Variants in SLC35F4 observed in about 807,000 individuals in gnomAD.
The protein encoded by SLC35F4 is chromosome 14 open reading frame 36.
Under a neutral mutation model 44.2 loss-of-function variants are expected in SLC35F4, and 24 were observed. That is an observed-to-expected ratio of 0.54 (90% CI 0.39 to 0.76). The LOEUF is 0.76. Among genes scored for constraint, SLC35F4 ranks in the 30% least tolerant of loss-of-function variants. The pLI, the probability that SLC35F4 is intolerant of heterozygous loss-of-function variation, is 0.00. For synonymous variants in SLC35F4, 238 were observed against 223.6 expected (o/e 1.06, Z -0.57); for missense variants, 562 against 586.1 (o/e 0.96, Z 0.42).
intron 1 of SLC35F4, among the ~76,000 whole-genome samples, chr14:57,803,034 A>G (rs1017273515): frequency 4.6e-5 from 7 of 151,546 alleles, no homozygotes; most frequent in African/African-American, 1.7e-4. Flanking sequence ...TCCTTGATGA[A>G]CATCGATGCA....
chr14:57,600,228 A>C (rs2070732473), intron 1 of SLC35F4, among the ~76,000 whole-genome samples: 2 of 152,170 alleles, frequency 1.3e-5, no homozygotes, highest in South Asian at 4.1e-4. Flanking sequence ...TTTTCAACTC[A>C]TCTTTTATAA....
chr14:57,777,566 G>A (rs2140723061), intron 1 of SLC35F4, among the ~76,000 whole-genome samples: 1 of 152,110 alleles, frequency 6.6e-6, no homozygotes, highest in East Asian at 1.9e-4. Context: ...TCATAGGTGG[G>A]AGCTGAAAAA....
intron 1 of SLC35F4, among the ~76,000 whole-genome samples, chr14:57,600,748 C>G (rs929828283): frequency 8.2e-6 from 1 of 121,692 alleles, no homozygotes; most frequent in Non-Finnish European, 1.8e-5. Context: ...AATAACTCAA[C>G]AAAATATATG....
rs185846790 is a variant in SLC35F4, at chr14:57,617,020, T to C, written c.104-22896A>G. ...TTGCAAAAACAGCGTGAATGTTAAGTCAGATAACTTGAGCCTTAGCTTTCG... is the reference window on the plus strand; with the variant it reads ...TTGCAAAAACAGCGTGAATGTTAAGCCAGATAACTTGAGCCTTAGCTTTCG... On this transcript the variant is annotated intron_variant, in intron 1 of 7. Transcript: ENST00000556826. 2.0e-3 allele frequency among the ~76,000 whole-genome samples: 298 copies of C among 152,138 alleles called. 1 individual carries two copies. Among genetic ancestry groups the C allele is most frequent in the African/African-American group, 7.0e-3 (289 of 41,516 alleles).
chr14:57,735,716 C>A (rs953031104), intron 1 of SLC35F4, among the ~76,000 whole-genome samples: 10 of 145,556 alleles, frequency 6.9e-5, no homozygotes, highest in Non-Finnish European at 1.2e-4. Context: ...AACATAGCCA[C>A]CCCCTTTTGT....
chr14:57,837,037 G>A (rs1255536762), intron 1 of SLC35F4, among the ~76,000 whole-genome samples: 1 of 152,134 alleles, frequency 6.6e-6, no homozygotes, highest in Non-Finnish European at 1.5e-5. Context: ...GGAACACTTA[G>A]CTTGAAGGCT....
chr14:57,705,448 T>C (rs1004700858), intron 1 of SLC35F4, among the ~76,000 whole-genome samples: 2 of 152,208 alleles, frequency 1.3e-5, no homozygotes, highest in African/African-American at 4.8e-5. Context: ...TGCCCTTCTC[T>C]GCTCTACTCC....
intron 1 of SLC35F4, among the ~76,000 whole-genome samples, chr14:57,724,213 C>A (rs902783581): frequency 1.3e-5 from 2 of 152,164 alleles, no homozygotes; most frequent in African/African-American, 4.8e-5. Flanking sequence ...GCTGCTCTGC[C>A]ACTTGGGCCA....
chr14:57,765,787 G>C (rs138146642), intron 1 of SLC35F4, among the ~76,000 whole-genome samples: 1,577 of 152,240 alleles, frequency 0.01, 13 homozygotes, highest in Admixed American at 0.016. Flanking sequence ...ATTAATATGG[G>C]CTATAAGTAT....
chr14:57,763,572 G>A (rs1043487810), intron 1 of SLC35F4, among the ~76,000 whole-genome samples: 1 of 152,040 alleles, frequency 6.6e-6, no homozygotes, highest in Non-Finnish European at 1.5e-5. Flanking sequence ...GCTGTTTTGA[G>A]GATTAAATGA....
At chr14:57,837,738 G>C (rs1185301927) in intron 1 of SLC35F4, 2 of 152,084 alleles carry the variant, frequency 1.3e-5, no homozygotes, top group African/African-American at 2.4e-5. Flanking sequence ...CCTAGAAAGG[G>C]GCTTTTGTGC....
intron 1 of SLC35F4, among the ~76,000 whole-genome samples, chr14:57,600,652 A>C: frequency 1.8e-5 from 2 of 112,858 alleles, no homozygotes; most frequent in Admixed American, 1.3e-4. Flanking sequence ...AGATCCCGCC[A>C]CTGCACTCCA....
chr14:57,814,069 G>GTATA (rs1255238550), intron 1 of SLC35F4, among the ~76,000 whole-genome samples: 1 of 152,204 alleles, frequency 6.6e-6, no homozygotes, highest in Non-Finnish European at 1.5e-5. Context: ...CTGTATGTAT[G>GTATA]TATTGAACTT....
intron 1 of SLC35F4, among the ~76,000 whole-genome samples, chr14:57,673,477 C>G (rs1951748): frequency 0.63 from 95,762 of 151,932 alleles, 30,585 homozygotes; most frequent in African/African-American, 0.71. Context: ...TCCAGGTATG[C>G]ATTAAAGGTG....
At chr14:57,586,035 A>G (rs2069690024) in intron 3 of SLC35F4, among the ~76,000 whole-genome samples, 1 of 152,216 alleles carries the variant, frequency 6.6e-6, no homozygotes, top group Non-Finnish European at 1.5e-5. Context: ...TCCTAAGTAA[A>G]AAGAACAAAG....
chr14:57,774,001 C>A (rs966300434), intron 1 of SLC35F4, among the ~76,000 whole-genome samples: 2 of 152,120 alleles, frequency 1.3e-5, no homozygotes, highest in Non-Finnish European at 2.9e-5. Flanking sequence ...GACCAGTATA[C>A]CTTGACAATC....
chr14:57,898,123 A>T (rs4986780), intron 1 of SLC35F4, among the ~76,000 whole-genome samples: 18,339 of 152,198 alleles, frequency 0.12, 1,334 homozygotes, highest in East Asian at 0.39. Context: ...ACTCAAAAGT[A>T]ACAACTTGTA....
intron 1 of SLC35F4, among the ~76,000 whole-genome samples, chr14:57,695,177 A>C (rs1455922015): frequency 2.6e-5 from 4 of 152,198 alleles, no homozygotes; most frequent in African/African-American, 4.8e-5. Flanking sequence ...AATGGGATCT[A>C]ATTAAACTAA....
chr14:57,751,079 A>G (rs1310387396), intron 1 of SLC35F4, among the ~76,000 whole-genome samples: 33 of 152,222 alleles, frequency 2.2e-4, no homozygotes, highest in Admixed American at 2.0e-3. Context: ...TGTGTCAAAC[A>G]TGGGGCAGGG....
Sources: allele counts gnomAD v4.1 joint callset (sites outside exome capture counted in the v4.1 genomes callset), GRCh38; gene constraint gnomAD v4.1.1; transcripts MANE v1.5; gene names NCBI Gene and HGNC (gene_info 2026-07-23, HGNC 2026-07-21).